CA10: variants seen among roughly 807,000 people sequenced by gnomAD.
CA10 encodes carbonic anhydrase-related protein 10.
In CA10, 14 loss-of-function variants were observed where a neutral mutation model predicts 44.2. That is an observed-to-expected ratio of 0.32 (90% CI 0.21 to 0.50). CA10 has a LOEUF of 0.50. Ranked by LOEUF, CA10 falls within the 20% of genes least tolerant of loss-of-function variation. The pLI is 0.99. For missense variants in CA10, 350 were observed against 409.7 expected (o/e 0.85, Z 1.26); for synonymous variants, 159 against 141.6 (o/e 1.12, Z -0.87).
chr17:51,811,674 C>G (rs2143740269), intron 3 of CA10, among the ~76,000 whole-genome samples: 1 of 152,280 alleles, frequency 6.6e-6, no homozygotes, highest in Non-Finnish European at 1.5e-5. Context: ...TTTTCTTAAT[C>G]CAGTCTATCA....
At chr17:51,867,254 C>T (rs1211030810) in intron 3 of CA10, among the ~76,000 whole-genome samples, 2 of 151,980 alleles carry the variant, frequency 1.3e-5, no homozygotes, top group Admixed American at 1.3e-4. Flanking sequence ...ACTGATGACT[C>T]GTGGCATATT....
At chr17:51,677,209 C>T (rs1914654680) in intron 4 of CA10, among the ~76,000 whole-genome samples, 2 of 152,162 alleles carry the variant, frequency 1.3e-5, no homozygotes, top group African/African-American at 4.8e-5. Context: ...CCACCCAAAT[C>T]TCATGTTCAA....
chr17:51,748,517 T>C, intron 3 of CA10: 2 of 981,990 alleles, frequency 2.0e-6, no homozygotes, highest in South Asian at 9.5e-5. Flanking sequence ...TGCTGGGACT[T>C]GATGTTCAGC....
At chr17:51,780,862 G>A (rs894399634) in intron 3 of CA10, among the ~76,000 whole-genome samples, 3 of 152,196 alleles carry the variant, frequency 2.0e-5, no homozygotes, top group Non-Finnish European at 4.4e-5. Flanking sequence ...GAAGAGCAAG[G>A]AAGCAAAGAT....
At chr17:51,700,439 G>A (rs1219442475) in intron 4 of CA10, among the ~76,000 whole-genome samples, 2 of 152,090 alleles carry the variant, frequency 1.3e-5, no homozygotes, top group African/African-American at 2.4e-5. Flanking sequence ...TCCCACCTCC[G>A]TTTGCTCATG....
intron 4 of CA10, among the ~76,000 whole-genome samples, chr17:51,741,997 A>G (rs1030839463): frequency 2.6e-5 from 4 of 152,198 alleles, no homozygotes; most frequent in African/African-American, 9.7e-5. Flanking sequence ...TTTTAATAGC[A>G]TCCTTTAAAA....
At chr17:51,731,636 C>T (rs890363592) in intron 4 of CA10, among the ~76,000 whole-genome samples, 2 of 111,422 alleles carry the variant, frequency 1.8e-5, no homozygotes, top group African/African-American at 3.4e-5. Flanking sequence ...GGAAAAGACA[C>T]AGAGGAAAGG....
intron 4 of CA10, among the ~76,000 whole-genome samples, chr17:51,715,645 A>G (rs1916086100): frequency 6.6e-6 from 1 of 152,136 alleles, no homozygotes; most frequent in African/African-American, 2.4e-5. Flanking sequence ...GCAATTTATT[A>G]TTGACTACAG....
chr17:52,101,651 A>G (rs185316785), intron 1 of CA10, among the ~76,000 whole-genome samples: 20 of 152,290 alleles, frequency 1.3e-4, no homozygotes, highest in Admixed American at 1.3e-3. Context: ...GTTAACCAAC[A>G]AAGTCTCTAG....
intron 1 of CA10, among the ~76,000 whole-genome samples, chr17:52,139,583 A>C (rs1165003202): frequency 6.6e-6 from 1 of 151,840 alleles, no homozygotes; most frequent in Non-Finnish European, 1.5e-5. Context: ...TAGTTACTTA[A>C]CCTCTCTGAG....
intron 1 of CA10, among the ~76,000 whole-genome samples, chr17:52,142,031 C>A (rs1989491507): frequency 6.6e-6 from 1 of 152,178 alleles, no homozygotes; most frequent in African/African-American, 2.4e-5. Context: ...ACAGTGTTCA[C>A]AAAGAAGCCT....
intron 3 of CA10, among the ~76,000 whole-genome samples, chr17:51,787,774 G>A (rs1336647096): frequency 6.6e-5 from 10 of 152,130 alleles, no homozygotes; most frequent in African/African-American, 1.7e-4. Context: ...GATTACAGGC[G>A]TAAGCCACTC....
chr17:51,743,585 A>T (rs2143594243), intron 4 of CA10, among the ~76,000 whole-genome samples: 1 of 152,340 alleles, frequency 6.6e-6, no homozygotes, highest in South Asian at 2.1e-4. Context: ...AAAGCAAATG[A>T]TTACCATCAA....
chr17:51,855,025 G>T (rs181764671), intron 3 of CA10, among the ~76,000 whole-genome samples: 6 of 152,252 alleles, frequency 3.9e-5, no homozygotes, highest in Admixed American at 1.3e-4. Flanking sequence ...ATTTGGTTCT[G>T]GGGAAGGTTG....
chr17:51,700,424 C>G (rs911426636), intron 4 of CA10, among the ~76,000 whole-genome samples: 1 of 152,140 alleles, frequency 6.6e-6, no homozygotes, highest in Non-Finnish European at 1.5e-5. Flanking sequence ...TTCTCTGGCC[C>G]CTTCTCCCAC....
chr17:51,992,403 T>A (rs1198172261), intron 2 of CA10, among the ~76,000 whole-genome samples: 1 of 152,156 alleles, frequency 6.6e-6, no homozygotes, highest in Non-Finnish European at 1.5e-5. Context: ...TCTTTGCTTT[T>A]CTGAGATCTG....
At chr17:51,908,462 T>A (rs1023979133) in intron 3 of CA10, among the ~76,000 whole-genome samples, 3 of 152,310 alleles carry the variant, frequency 2.0e-5, no homozygotes, top group Admixed American at 2.0e-4. Flanking sequence ...CCCTGGTATG[T>A]ATACTGATAT....
At chr17:51,635,776 T>C in intron 7 of CA10, 79 bp downstream of exon 7, 1 of 1,154,158 alleles carries the variant, frequency 8.7e-7, no homozygotes, top group South Asian at 1.8e-5. Context: ...TAAACTATTA[T>C]AATAGGCACT....
chr17:52,035,848 A>G (rs1196782601), intron 2 of CA10, among the ~76,000 whole-genome samples: 1 of 152,262 alleles, frequency 6.6e-6, no homozygotes, highest in Non-Finnish European at 1.5e-5. Context: ...TGAAGGGGTC[A>G]GGGAAGTATC....
Sources: gnomAD v4.1 joint callset for allele counts (sites outside exome capture counted in the v4.1 genomes callset) on GRCh38, gnomAD v4.1.1 for gene constraint, MANE v1.5 for transcripts, NCBI Gene and HGNC (gene_info 2026-07-23, HGNC 2026-07-21) for gene names.